The following NPR2 variants were observed in gnomAD, a reference collection of about 807,000 sequenced individuals.
NPR2 encodes the protein atrial natriuretic peptide receptor 2.
In NPR2, 49 loss-of-function variants were observed where a neutral mutation model predicts 120.7. The ratio of observed to expected loss-of-function variants is 0.41; its 90% confidence interval spans 0.32 to 0.52. The LOEUF (loss-of-function observed/expected upper bound fraction) is 0.52, where lower values mean the gene tolerates loss of function less well. NPR2 is among the 20% of genes least tolerant of loss of function. The probability of loss-of-function intolerance (pLI) is 0.36; values close to 1 mark genes in which losing one functional copy is unlikely to be tolerated. For synonymous variants in NPR2, 484 were observed against 519.8 expected (o/e 0.93, Z 0.94); for missense variants, 931 against 1,362.9 (o/e 0.68, Z 4.99).
chr9:35,804,134 GT>G, intron 12 of NPR2, among the ~76,000 whole-genome samples: 1 of 152,192 alleles, frequency 6.6e-6, no homozygotes. Context: ...AGACAGAAAT[GT>G]TTTTTGTTAG....
chr9:35,794,331 A>T (rs1375511426), intron 2 of NPR2, among the ~76,000 whole-genome samples: 2 of 152,198 alleles, frequency 1.3e-5, no homozygotes, highest in East Asian at 3.8e-4. Flanking sequence ...CCAAAATCCT[A>T]AAACACTGAC....
chr9:35,800,214 G>A lies in NPR2; in HGVS notation c.1123+57G>A. The A allele has an allele frequency of 6.5e-7, 1 of 1,546,170 alleles. No individual in the cohort carries two copies. Among genetic ancestry groups the A allele is most frequent in the Non-Finnish European group, 8.9e-7 (1 of 1,118,070 alleles). ...GCTGATGTCAGGAATAGAGTGGGCT[G>A]AAGAAGAAACAGATGTCAGGATCAC... On this transcript the variant is annotated intron_variant, in intron 4 of 21. Coordinates refer to ENST00000342694, the MANE Select transcript of NPR2 (RefSeq NM_003995.4). The surrounding 1 kb of genome is among the most constrained non-coding windows in gnomAD (Gnocchi z 4.7).
rs1371743809 is a variant in NPR2, at chr9:35,805,442, C to T, written c.1888-69C>T. On this transcript the variant is annotated intron_variant, in intron 12 of 21. Coordinates refer to ENST00000342694, the MANE Select transcript of NPR2 (RefSeq NM_003995.4). This position sits in a 1 kb window ranked among gnomAD's most constrained non-coding sequence, Gnocchi z 4.9. ...GATCTGTAGACAGCTAGCCAGTGCC[C>T]ATCTCATGGAGAGAGGGTATTCTAA... The T allele has an allele frequency of 6.8e-7, 1 of 1,476,230 alleles. No individual in the cohort carries two copies. The highest frequency in any genetic ancestry group is 1.4e-5 in the African/African-American group (1 of 72,230). The allele number at this position is 1,476,230 out of a possible 1,614,324, so 91.4% of individuals were successfully genotyped here.
In NPR2 at chr9:35,800,355, G is replaced by C; in HGVS notation, c.1124-34G>C. On this transcript the variant is annotated intron_variant, in intron 4 of 21. Coordinates refer to ENST00000342694, the MANE Select transcript of NPR2 (RefSeq NM_003995.4). This position sits in a 1 kb window ranked among gnomAD's most constrained non-coding sequence, Gnocchi z 4.7. Reference sequence around the variant, plus strand: ...GTGAGTGGGAGAGGAGCCCAGGGTAGACCTCAAAGAAAGGACACTCTTTTC... The same window carrying C: ...GTGAGTGGGAGAGGAGCCCAGGGTACACCTCAAAGAAAGGACACTCTTTTC... 1 of 1,581,124 alleles carries C rather than the reference G, an allele frequency of 6.3e-7. No homozygotes were observed. Among genetic ancestry groups the C allele is most frequent in the Non-Finnish European group, 8.7e-7 (1 of 1,149,970 alleles).
rs1187919060 is a variant in NPR2, at chr9:35,809,532, A to T, written c.*87A>T. 6.2e-7 allele frequency: 1 copy of T among 1,603,014 alleles called. No individual in the cohort carries two copies. Among genetic ancestry groups the T allele is most frequent in the South Asian group, 1.1e-5 (1 of 90,848 alleles). On this transcript the variant is annotated 3_prime_UTR_variant, in exon 22 of 22. Transcript: ENST00000342694. The surrounding 1 kb of genome is among the most constrained non-coding windows in gnomAD (Gnocchi z 4.1). ...CCATGTCTGCACACACCAGAAATGG[A>T]CATTTTCATATGCAATGGAAAACAG...
At position 35,806,263 on chromosome 9, in the gene NPR2, C is replaced by G; in HGVS notation, c.2372+30C>G. 1 of 1,613,790 alleles carries G rather than the reference C, an allele frequency of 6.2e-7. No homozygotes were observed. Among genetic ancestry groups the G allele is most frequent in the Non-Finnish European group, 8.5e-7 (1 of 1,179,870 alleles). ...GAGGGCATTATGGGGCAGGGGCTTC[C>G]CAGGGATAGAAGACTCATTAGTCCT... On this transcript the variant is annotated intron_variant, in intron 15 of 21. Coordinates refer to ENST00000342694, the MANE Select transcript of NPR2 (RefSeq NM_003995.4). This position sits in a 1 kb window ranked among gnomAD's most constrained non-coding sequence, Gnocchi z 4.6.
Position 35,807,116 on chromosome 9 carries a change from A to G in NPR2, c.2613A>G (p.Thr871=). 1 of 1,495,440 alleles carries G rather than the reference A, an allele frequency of 6.7e-7. No homozygotes were observed. The highest frequency in any genetic ancestry group is 9.0e-7 in the Non-Finnish European group (1 of 1,109,560). 92.6% of individuals were successfully genotyped at this position (1,495,440 alleles called of 1,614,324 possible). The part of the protein sequence containing the change: ...TIYFSDIVGF[T]ALSAESTPMQ... ...ACTTCAGTGACATTGTTGGCTTCAC[A>G]GCATTGTCAGCAGAGAGCACCCCCA... The change falls in exon 17 of 22, where the codon ACA becomes ACG. Residue 871 remains threonine, a synonymous_variant. Coordinates refer to ENST00000342694, the MANE Select transcript of NPR2 (RefSeq NM_003995.4).
Position 35,802,711 on chromosome 9 carries a change from C to A in NPR2, c.1816-21C>A. ...AGCTGGTGGGACCAGGACAGACAGTCTATTCCATGTCACTTACCAGGATAT... is the reference window on the plus strand; with the variant it reads ...AGCTGGTGGGACCAGGACAGACAGTATATTCCATGTCACTTACCAGGATAT... On this transcript the variant is annotated intron_variant, in intron 11 of 21. Transcript: ENST00000342694. This position sits in a 1 kb window ranked among gnomAD's most constrained non-coding sequence, Gnocchi z 4.2. The A allele has an allele frequency of 6.3e-7, 1 of 1,586,890 alleles. No individual in the cohort carries two copies. The highest frequency in any genetic ancestry group is 1.1e-5 in the South Asian group (1 of 90,532).
rs59763394 is a variant in NPR2 at position 35,794,834 on chromosome 9, T to TTGTG, written c.873+750_873+753dup. Among the ~76,000 whole-genome samples the TTGTG allele has an allele frequency of 2.5e-3, 375 of 149,734 alleles. 2 individuals carry two copies. The highest frequency in any genetic ancestry group is 7.1e-3 in the African/African-American group (287 of 40,702). On this transcript the variant is annotated intron_variant, in intron 2 of 21. Transcript: ENST00000342694. Reference sequence around the variant, plus strand: ...ACTTGAATTTGGGGTCCTTGACTTTTTGTGTGTGTGTGTGTGTGTGTGGAG... The same window carrying TTGTG: ...ACTTGAATTTGGGGTCCTTGACTTTTTGTGTGTGTGTGTGTGTGTGTGTGTGGAG...
At chr9:35,798,038 A>G (rs1336343269) in intron 2 of NPR2, among the ~76,000 whole-genome samples, 1 of 152,240 alleles carries the variant, frequency 6.6e-6, no homozygotes, top group East Asian at 1.9e-4. Flanking sequence ...TGATAGATAT[A>G]GTCCACATAA....
At position 35,800,123 on chromosome 9, in the gene NPR2, A is replaced by C. The variant is rs1414774344; in HGVS notation, c.1089A>C (p.Arg363=). The C allele has an allele frequency of 6.2e-7, 1 of 1,614,004 alleles. No individual in the cohort carries two copies. The highest frequency in any genetic ancestry group is 1.1e-5 in the South Asian group (1 of 91,084). Residue 363 remains arginine (R), a synonymous_variant, in exon 4 of 22, where the codon CGA becomes CGC. Transcript: ENST00000342694. The surrounding 1 kb of genome is among the most constrained non-coding windows in gnomAD (Gnocchi z 4.7). ...GAGGCACCCGGGAGGATGGACTTCG[A>C]ATTGTGGAAAAGATGCAGGGACGAA... ...QEGGTREDGL[R]IVEKMQGRRY...
chr9:35,802,195 CCCA>C lies in NPR2; in HGVS notation c.1633-7_1633-5del. The C allele has an allele frequency of 6.4e-7, 1 of 1,570,730 alleles. No individual in the cohort carries two copies. Among genetic ancestry groups the C allele is most frequent in the Non-Finnish European group, 8.8e-7 (1 of 1,140,522 alleles). ...ATTCACTTTCCTTTCCCCTTTCACT[CCCA>C]CCATCAGGGAAATGTTGTCGCCATC... is the stretch of plus-strand genomic sequence containing the variant. On this transcript the variant is annotated splice_polypyrimidine_tract_variant and splice_region_variant and intron_variant, in intron 9 of 21. Coordinates refer to ENST00000342694, the MANE Select transcript of NPR2 (RefSeq NM_003995.4). This position sits in a 1 kb window ranked among gnomAD's most constrained non-coding sequence, Gnocchi z 4.2.
rs754997445 is a variant in NPR2, at chr9:35,808,742, T to C, written c.2888-13T>C. 27 of 1,612,780 alleles carry C rather than the reference T, an allele frequency of 1.7e-5. No individual in the cohort carries two copies. The highest frequency in any genetic ancestry group is 7.6e-6 in the Non-Finnish European group (9 of 1,178,846). ...ACCTTTCCCAGACTCTCCCAACCTG[T>C]TTCTTCTCAAAGGGCCAGTCTGTGC... On this transcript the variant is annotated splice_polypyrimidine_tract_variant and intron_variant, in intron 19 of 21. Transcript: ENST00000342694. The surrounding 1 kb of genome is among the most constrained non-coding windows in gnomAD (Gnocchi z 4.0).
Position 35,806,305 on chromosome 9 carries a change from C to T in NPR2, c.2372+72C>T. ...ATTAGTCCTAGTGCATGAAGTGGGG[C>T]AGGTGGGACCAGAGGGTGGGTTGGA... On this transcript the variant is annotated intron_variant, in intron 15 of 21. Coordinates refer to ENST00000342694, the MANE Select transcript of NPR2 (RefSeq NM_003995.4). This position sits in a 1 kb window ranked among gnomAD's most constrained non-coding sequence, Gnocchi z 4.6. 1.9e-6 allele frequency: 3 copies of T among 1,607,672 alleles called. No individual in the cohort carries two copies. The highest frequency in any genetic ancestry group is 4.5e-5 in the East Asian group (2 of 44,832).
intron 1 of NPR2, 117 bp from the exon 2 acceptor site, chr9:35,793,756 GGGGAGCATCTGCTTTGGGGTTGATA>G: frequency 1.3e-6 from 1 of 797,654 alleles, no homozygotes. Flanking sequence ...GGGGTGGGCT[GGGGAGCATCTGCTTTGGGGTTGATA>G]GGTTAGGGCA....
In NPR2 at chr9:35,805,513, C is replaced by T. The variant is rs200870431; in HGVS notation, c.1890C>T (p.Gly630=). The T allele has an allele frequency of 2.5e-6, 4 of 1,614,064 alleles. No individual in the cohort carries two copies. The highest frequency in any genetic ancestry group is 1.1e-5 in the South Asian group (1 of 91,082). ...RYSLINDLVK[G]MAFLHNSIIS... The stretch of plus-strand genomic sequence containing the variant: ...ATGACTTGATCTGTACCCTGCAGGG[C>T]ATGGCCTTTCTCCACAACAGCATTA... The change falls in exon 13 of 22, where the codon GGC becomes GGT. Residue 630 remains glycine (G), a splice_region_variant and synonymous_variant. Coordinates refer to ENST00000342694, the MANE Select transcript of NPR2 (RefSeq NM_003995.4). This position sits in a 1 kb window ranked among gnomAD's most constrained non-coding sequence, Gnocchi z 4.9.
intron 2 of NPR2, among the ~76,000 whole-genome samples, chr9:35,796,723 G>A (rs1827954971): frequency 6.6e-6 from 1 of 152,228 alleles, no homozygotes; most frequent in African/African-American, 2.4e-5. Flanking sequence ...ATGCTGATGG[G>A]AAGGTCAAGG....
Position 35,802,111 on chromosome 9 carries a change from C to A in NPR2, c.1633-95C>A. 7.6e-7 allele frequency: 1 copy of A among 1,316,950 alleles called. No homozygotes were observed. The highest frequency in any genetic ancestry group is 1.1e-6 in the Non-Finnish European group (1 of 908,784). The allele number at this position is 1,316,950 out of a possible 1,614,324, so 81.6% of individuals were successfully genotyped here. A position where few individuals can be genotyped will look rare whatever the true frequency, so the allele number is the denominator to read the frequency against. On this transcript the variant is annotated intron_variant, in intron 9 of 21. Coordinates refer to ENST00000342694, the MANE Select transcript of NPR2 (RefSeq NM_003995.4). The surrounding 1 kb of genome is among the most constrained non-coding windows in gnomAD (Gnocchi z 4.2). The stretch of plus-strand genomic sequence containing the variant: ...CTCATACCCGACTCTCTGTGCCCAG[C>A]TGAGCTCCTGGGTGCTTCCACTGCT...
At chr9:35,797,996 T>G (rs1301011685) in intron 2 of NPR2, among the ~76,000 whole-genome samples, 1 of 152,186 alleles carries the variant, frequency 6.6e-6, no homozygotes, top group Non-Finnish European at 1.5e-5. Context: ...TTTTCAAAAT[T>G]TATCAGTTTT....
Sources: allele counts gnomAD v4.1 joint callset (sites outside exome capture counted in the v4.1 genomes callset), GRCh38; gene constraint gnomAD v4.1.1; non-coding constraint Gnocchi (gnomAD v3.1); transcripts MANE v1.5; gene names NCBI Gene and HGNC (gene_info 2026-07-23, HGNC 2026-07-21).